TTLL1: variants seen among roughly 807,000 people sequenced by gnomAD.
TTLL1 encodes the protein polyglutamylase complex subunit TTLL1.
A neutral mutation model predicts 47.8 loss-of-function variants in TTLL1; 33 were observed. The ratio of observed to expected loss-of-function variants is 0.69; its 90% CI spans 0.52 to 0.92. The LOEUF (loss-of-function observed/expected upper bound fraction) is 0.92. Among genes scored for constraint, TTLL1 ranks in the 40% least tolerant of loss-of-function variants. The pLI is 0.00. For synonymous variants in TTLL1, 225 were observed against 214.1 expected (o/e 1.05, Z -0.45); for missense variants, 488 against 547.5 (o/e 0.89, Z 1.08).
chr22:43,075,796 G>A (rs188936039), intron 2 of TTLL1, among the ~76,000 whole-genome samples: 4 of 152,292 alleles, frequency 2.6e-5, no homozygotes, highest in South Asian at 2.1e-4. Flanking sequence ...CTCTGGCATC[G>A]GGCATGTCCA....
intron 5 of TTLL1, 77 bp from the exon 6 acceptor site, chr22:43,064,401 T>C: frequency 4.0e-6 from 6 of 1,500,826 alleles, no homozygotes; most frequent in Admixed American, 2.1e-5. Context: ...AAGGAATAAC[T>C]GATAAGCCGG....
At chr22:43,074,810 T>A (rs1169051955) in intron 3 of TTLL1, among the ~76,000 whole-genome samples, 1 of 151,682 alleles carries the variant, frequency 6.6e-6, no homozygotes, top group African/African-American at 2.4e-5. Flanking sequence ...GAGGCCGAGA[T>A]GGGAAGGTCC....
chr22:43,048,474 A>C, intron 9 of TTLL1, among the ~76,000 whole-genome samples: 1 of 4,374 alleles, frequency 2.3e-4, no homozygotes, highest in African/African-American at 1.8e-3. Flanking sequence ...ATCTCTACCA[A>C]AAAAAAAAAA....
chr22:43,080,283 AG>A (rs1928791464), intron 1 of TTLL1, among the ~76,000 whole-genome samples: 1 of 151,906 alleles, frequency 6.6e-6, no homozygotes, highest in African/African-American at 2.4e-5. Flanking sequence ...TCAAACTCCC[AG>A]GCTCTAGCTA....
intron 10 of TTLL1, 67 bp from the exon 11 acceptor site, chr22:43,039,972 C>A: frequency 6.4e-7 from 1 of 1,558,290 alleles, no homozygotes; most frequent in Non-Finnish European, 8.7e-7. Context: ...GGCCACCAGG[C>A]TGCTGTGTGG....
chr22:43,049,146 A>T (rs1411183661), intron 9 of TTLL1, among the ~76,000 whole-genome samples: 1 of 151,398 alleles, frequency 6.6e-6, no homozygotes, highest in African/African-American at 2.4e-5. Context: ...AAAAAAAAAA[A>T]GGCTGGGAGC....
At chr22:43,087,431 C>T (rs954825329) in intron 1 of TTLL1, among the ~76,000 whole-genome samples, 8 of 149,938 alleles carry the variant, frequency 5.3e-5, no homozygotes, top group Non-Finnish European at 8.9e-5. Context: ...GGCTGATGCA[C>T]GAGAATCACT....
intron 8 of TTLL1, chr22:43,052,192 C>CG (rs1467538274): frequency 2.5e-6 from 1 of 392,902 alleles, no homozygotes; most frequent in Non-Finnish European, 4.9e-6. Context: ...TCAGAGTGAA[C>CG]GGATGTCCAG....
intron 10 of TTLL1, among the ~76,000 whole-genome samples, chr22:43,040,478 C>T (rs1216308575): frequency 6.6e-6 from 1 of 152,062 alleles, no homozygotes; most frequent in Non-Finnish European, 1.5e-5. Context: ...TGGAGTTTCA[C>T]TCTATCACCA....
At chr22:43,079,122 C>T (rs113785206) in intron 2 of TTLL1, among the ~76,000 whole-genome samples, 4,553 of 92,648 alleles carry the variant, frequency 0.049, 285 homozygotes, top group Non-Finnish European at 0.076. Flanking sequence ...CCCGCAGACA[C>T]GGGGACCATG....
rs1927547089 is a variant in TTLL1, at chr22:43,063,825, G to A, written c.735C>T (p.Ile245=). Residue 245 remains isoleucine, a synonymous_variant, in exon 7 of 11, where the codon ATC becomes ATT. Transcript: ENST00000266254. ...NMFVHLTNVA[I]QKHGEDYNHI... The stretch of plus-strand genomic sequence containing the variant: ...AGGACACACTCACCCCGTGTTTCTG[G>A]ATGGCGACGTTGGTGAGATGAACGA... 1.2e-6 allele frequency: 2 copies of A among 1,613,762 alleles called. No homozygotes were observed.
At chr22:43,059,240 C>T (rs8143049) in intron 8 of TTLL1, 144 bp downstream of exon 8, 77,228 of 1,174,484 alleles carry the variant, frequency 0.066, 3,026 homozygotes, top group African/African-American at 0.14. Flanking sequence ...GTGATCCGCC[C>T]GCCTCGGCCT....
At chr22:43,086,735 C>A (rs112242531) in intron 1 of TTLL1, among the ~76,000 whole-genome samples, 60 of 152,256 alleles carry the variant, frequency 3.9e-4, no homozygotes, top group African/African-American at 1.4e-3. Context: ...GATTCCAAAT[C>A]CATCCTCCAC....
chr22:43,059,639 C>T (rs1927272390), intron 7 of TTLL1, 112 bp from the exon 8 acceptor site: 2 of 1,357,154 alleles, frequency 1.5e-6, no homozygotes, highest in Non-Finnish European at 2.0e-6. Context: ...TGTGGGCATC[C>T]AGCAACAAGG....
chr22:43,046,953 G>A (rs190069835), intron 9 of TTLL1, among the ~76,000 whole-genome samples: 4 of 152,250 alleles, frequency 2.6e-5, no homozygotes, highest in Admixed American at 1.3e-4. Context: ...TTACAGGCGT[G>A]AGCCACCACA....
At chr22:43,081,504 G>A (rs1928884052) in intron 1 of TTLL1, among the ~76,000 whole-genome samples, 2 of 152,044 alleles carry the variant, frequency 1.3e-5, no homozygotes, top group Middle Eastern at 6.8e-3. Context: ...AAAGAGCTTT[G>A]CTCCAAAGAT....
intron 7 of TTLL1, among the ~76,000 whole-genome samples, chr22:43,063,180 G>A (rs570058126): frequency 1.3e-5 from 2 of 152,262 alleles, no homozygotes; most frequent in South Asian, 4.1e-4. Flanking sequence ...GTAATACTAT[G>A]ATCTCCTTTT....
At chr22:43,063,681 G>T in intron 7 of TTLL1, 132 bp downstream of exon 7, 1 of 678,482 alleles carries the variant, frequency 1.5e-6, no homozygotes, top group East Asian at 2.8e-5. Context: ...CGTCAGGCTG[G>T]TCTCGAACTC....
chr22:43,063,866 C>T lies in TTLL1; in HGVS notation c.694G>A (p.Glu232Lys), dbSNP rs756087048. 2 of 1,614,106 alleles carry T rather than the reference C, an allele frequency of 1.2e-6. No homozygotes were observed. The highest frequency in any genetic ancestry group is 1.7e-5 in the Admixed American group (1 of 60,012). The change falls in exon 7 of 11, where the codon GAG (glutamate) becomes AAG (lysine). Residue 232 changes from glutamate to lysine, a missense_variant. Glu to Lys is a moderately conservative substitution (Grantham distance 56). Coordinates refer to ENST00000266254, the MANE Select transcript of TTLL1 (RefSeq NM_012263.5). ...AGATGAACGAACATGTTGTCCAGCT[C>T]ACTGGTACTCGGGGTGTATTTCACT... is the stretch of plus-strand genomic sequence containing the variant. The part of the protein sequence containing the change: ...CTVKYTPSTS[E>K]LDNMFVHLTN...
Sources: allele counts gnomAD v4.1 joint callset (sites outside exome capture counted in the v4.1 genomes callset), GRCh38; gene constraint gnomAD v4.1.1; transcripts MANE v1.5; gene names NCBI Gene and HGNC (gene_info 2026-07-23, HGNC 2026-07-21).